The following RGS12 variants were observed in gnomAD, a reference collection of about 807,000 sequenced individuals.
The protein encoded by RGS12 is regulator of G-protein signaling 12.
A neutral mutation model predicts 120.1 loss-of-function variants in RGS12; 66 were observed. That is an observed-to-expected ratio of 0.55 (90% CI 0.45 to 0.67). The LOEUF (loss-of-function observed/expected upper bound fraction) is 0.67. RGS12 is among the 30% of genes least tolerant of loss of function. RGS12 has a pLI of 0.00. For synonymous variants in RGS12, 827 were observed against 804.7 expected (o/e 1.03, Z -0.47); for missense variants, 1,859 against 1,957.7 (o/e 0.95, Z 0.95).
intron 3 of RGS12, among the ~76,000 whole-genome samples, chr4:3,350,681 CA>C (rs1714265963): frequency 6.9e-6 from 1 of 144,600 alleles, no homozygotes; most frequent in South Asian, 2.3e-4. Context: ...TAACCTATCT[CA>C]AAAAAACAAA....
intron 3 of RGS12, among the ~76,000 whole-genome samples, chr4:3,360,307 A>G (rs1246311313): frequency 6.6e-6 from 1 of 152,158 alleles, no homozygotes; most frequent in East Asian, 1.9e-4. Context: ...ATCCTTTCAA[A>G]GAACCAACTA....
At chr4:3,322,721 A>G (rs1725282701) in intron 2 of RGS12, among the ~76,000 whole-genome samples, 1 of 152,212 alleles carries the variant, frequency 6.6e-6, no homozygotes. Context: ...TGATTGGTGT[A>G]ATTTTGAAAT....
At chr4:3,437,852 G>A (rs1036946964) in intron 17 of RGS12, among the ~76,000 whole-genome samples, 2 of 152,192 alleles carry the variant, frequency 1.3e-5, no homozygotes, top group Admixed American at 6.5e-5. Context: ...GGCTGGGCAC[G>A]CTCAAGAGGG....
chr4:3,317,582 C>T lies in RGS12; in HGVS notation c.1412C>T (p.Pro471Leu). ...AGGGGTGCCCAGCCCTGGGGTGCTC[C>T]CTGGACTGGGCCCTTCTGTCCGGAC... ...GGRGAQPWGA[P>L]WTGPFCPDPE... is the part of the protein sequence containing the mutation. Residue 471 changes from proline (P) to leucine (L), a missense_variant, in exon 2 of 18, where the codon CCC becomes CTC. By Grantham distance (98) the Pro-to-Leu change is moderately conservative. Coordinates refer to ENST00000336727, the MANE Select transcript of RGS12 (RefSeq NM_001394154.1). 1 of 1,599,984 alleles carries T rather than the reference C, an allele frequency of 6.3e-7. No homozygotes were observed. The highest frequency in any genetic ancestry group is 1.1e-5 in the South Asian group (1 of 89,594).
chr4:3,374,449 A>G lies in RGS12; in HGVS notation c.1999-11967A>G, dbSNP rs1717411733. On this transcript the variant is annotated intron_variant, in intron 3 of 17. Transcript: ENST00000336727. The surrounding 1 kb of genome is among the most constrained non-coding windows in gnomAD (Gnocchi z 6.3). Reference sequence around the variant, plus strand: ...TGCCCTCCCAGCCTGGCCCTGCAGCAGACACTTCTGCCCTGGGCCCCGGTC... The same window carrying G: ...TGCCCTCCCAGCCTGGCCCTGCAGCGGACACTTCTGCCCTGGGCCCCGGTC... Among the ~76,000 whole-genome samples the G allele has an allele frequency of 6.6e-6, 1 of 152,084 alleles. No individual in the cohort carries two copies. Among genetic ancestry groups the G allele is most frequent in the Admixed American group, 6.5e-5 (1 of 15,274 alleles).
At chr4:3,422,625 C>G in intron 11 of RGS12, 55 bp downstream of exon 11, 2 of 1,550,280 alleles carry the variant, frequency 1.3e-6, no homozygotes, top group Admixed American at 1.8e-5. Context: ...TCCCCGCTCC[C>G]TGGCCCCCAG....
Position 3,439,576 on chromosome 4 carries a change from G to T in RGS12, c.4236G>T (p.Arg1412Ser). The change falls in exon 18 of 18, where the codon AGG becomes AGT. Residue 1412 changes from arginine to serine, a missense_variant. Physicochemically the swap from Arg to Ser is moderately radical, Grantham distance 110 (BLOSUM62 -1). This residue lies in a region of RGS12 where 517 missense variants were observed against 488.5 expected (regional missense o/e 1.06). Coordinates refer to ENST00000336727, the MANE Select transcript of RGS12 (RefSeq NM_001394154.1). ...CGGGGGCACAGGCTGGCCCTGGGAG[G>T]TCGCAGGCCAGTGGTGGGCCTCCTA... ...GIAGAQAGPG[R>S]SQASGGPPTS... is the part of the protein sequence containing the mutation. The T allele has an allele frequency of 6.2e-7, 1 of 1,611,562 alleles. No individual in the cohort carries two copies. Among genetic ancestry groups the T allele is most frequent in the Middle Eastern group, 1.7e-4 (1 of 6,050 alleles).
At chr4:3,335,907 T>C (rs1475572527) in intron 2 of RGS12, among the ~76,000 whole-genome samples, 1 of 151,950 alleles carries the variant, frequency 6.6e-6, no homozygotes, top group Non-Finnish European at 1.5e-5. Flanking sequence ...CTGGCCAACA[T>C]AGTGAAACCC....
At chr4:3,392,342 T>G (rs1210621865) in intron 4 of RGS12, among the ~76,000 whole-genome samples, 1 of 152,220 alleles carries the variant, frequency 6.6e-6, no homozygotes, top group Non-Finnish European at 1.5e-5. Flanking sequence ...TTTTTCTGTG[T>G]CTGTTGTGTT....
intron 1 of RGS12, among the ~76,000 whole-genome samples, chr4:3,296,132 G>T (rs959563570): frequency 6.6e-6 from 1 of 152,156 alleles, no homozygotes; most frequent in African/African-American, 2.4e-5. Context: ...TCATTCCTTG[G>T]CTCCCGGCTC....
At chr4:3,307,826 A>G (rs1724058314) in intron 1 of RGS12, among the ~76,000 whole-genome samples, 1 of 152,192 alleles carries the variant, frequency 6.6e-6, no homozygotes, top group African/African-American at 2.4e-5. Flanking sequence ...GAAATTCTAC[A>G]CTCAGAAGGT....
At chr4:3,363,517 A>G (rs1350303379) in intron 3 of RGS12, among the ~76,000 whole-genome samples, 1 of 151,956 alleles carries the variant, frequency 6.6e-6, no homozygotes, top group Non-Finnish European at 1.5e-5. Context: ...GGTGGGGAGA[A>G]GTGCAGCGGC....
intron 3 of RGS12, among the ~76,000 whole-genome samples, chr4:3,384,361 C>T (rs1718593862): frequency 6.6e-6 from 1 of 152,180 alleles, no homozygotes. Context: ...TTCATGTTGA[C>T]CAGGCTGGTC....
intron 14 of RGS12, chr4:3,426,714 T>C (rs1456149062): frequency 1.3e-5 from 2 of 152,132 alleles, no homozygotes; most frequent in Non-Finnish European, 2.9e-5. Context: ...AGAGCCCTTG[T>C]TGAGAACCGT....
At chr4:3,396,144 C>T (rs942724501) in intron 4 of RGS12, among the ~76,000 whole-genome samples, 1 of 151,868 alleles carries the variant, frequency 6.6e-6, no homozygotes, top group African/African-American at 2.4e-5. Context: ...TTGGTTGAAT[C>T]TGTGGATGCA....
chr4:3,395,783 G>C (rs1719990656), intron 4 of RGS12, among the ~76,000 whole-genome samples: 1 of 151,990 alleles, frequency 6.6e-6, no homozygotes. Context: ...TTTCCTTATT[G>C]ATTTATAGAA....
intron 3 of RGS12, chr4:3,378,212 A>G (rs535429432): frequency 1.3e-5 from 2 of 152,198 alleles, no homozygotes; most frequent in African/African-American, 4.8e-5. Flanking sequence ...CTACCCCTGA[A>G]GTCATATGGA....
intron 3 of RGS12, among the ~76,000 whole-genome samples, chr4:3,378,988 G>A (rs903171138): frequency 6.6e-6 from 1 of 150,598 alleles, no homozygotes; most frequent in Non-Finnish European, 1.5e-5. Context: ...AAACCTAAGG[G>A]ATAAAGGAAA....
intron 10 of RGS12, among the ~76,000 whole-genome samples, chr4:3,421,252 C>T (rs879793958): frequency 6.6e-6 from 1 of 152,220 alleles, no homozygotes; most frequent in Middle Eastern, 3.2e-3. Flanking sequence ...GCAGGCAGGA[C>T]TCGTGAGCTT....
Sources: allele counts gnomAD v4.1 joint callset (sites outside exome capture counted in the v4.1 genomes callset), GRCh38; gene constraint gnomAD v4.1.1; regional missense constraint gnomAD v4.1.1; non-coding constraint Gnocchi (gnomAD v3.1); transcripts MANE v1.5; gene names NCBI Gene and HGNC (gene_info 2026-07-23, HGNC 2026-07-21).